The following FGF13 variants were observed in gnomAD, a reference collection of about 807,000 sequenced individuals.
The protein encoded by FGF13 is fibroblast growth factor homologous factor 2.
Under a neutral mutation model 19.5 loss-of-function variants are expected in FGF13, and 2 were observed. The ratio of observed to expected loss-of-function variants is 0.10; its 90% CI spans 0.04 to 0.32. FGF13 has a LOEUF of 0.32. Among genes scored for constraint, FGF13 ranks in the 10% least tolerant of loss-of-function variants. The probability of loss-of-function intolerance (pLI) is 1.00; values close to 1 mark genes in which losing one functional copy is unlikely to be tolerated. For missense variants in FGF13, 113 were observed against 192.7 expected (o/e 0.59, Z 2.45); for synonymous variants, 72 against 76.9 (o/e 0.94, Z 0.33).
chrX:138,704,155 T>C (rs764268277), intron 2 of FGF13, among the ~76,000 whole-genome samples: 4 of 112,092 alleles, frequency 3.6e-5, no homozygotes, highest in Non-Finnish European at 7.5e-5. Context: ...TTATTATTAT[T>C]ATTTTAGCAA....
At chrX:138,962,788 T>C (rs1021614802) in intron 1 of FGF13, among the ~76,000 whole-genome samples, 2 of 111,300 alleles carry the variant, frequency 1.8e-5, no homozygotes, top group Non-Finnish European at 3.8e-5. Context: ...TAGGTGGGAA[T>C]TGAACAATGA....
At chrX:139,199,621 C>A (rs1296696228) in intron 1 of FGF13, among the ~76,000 whole-genome samples, 1 of 111,408 alleles carries the variant, frequency 9.0e-6, no homozygotes, top group Non-Finnish European at 1.9e-5. Context: ...ATTCTCTCCC[C>A]AGTCCTGACC....
chrX:138,839,167 C>T (rs915588364), intron 3 of FGF13, among the ~76,000 whole-genome samples: 1 of 110,852 alleles, frequency 9.0e-6, no homozygotes, highest in Non-Finnish European at 1.9e-5. Context: ...TATCTTTCAT[C>T]CCTCCACACT....
intron 1 of FGF13, among the ~76,000 whole-genome samples, chrX:139,042,506 C>T (rs1258097440): frequency 9.0e-6 from 1 of 111,678 alleles, no homozygotes; most frequent in Non-Finnish European, 1.9e-5. Flanking sequence ...AGTTGTAAAT[C>T]GAAACTGACA....
In FGF13 at chrX:138,809,337, A is replaced by G. The variant is rs778015354; in HGVS notation, c.217+48175T>C. On this transcript the variant is annotated intron_variant, in intron 3 of 6. Coordinates refer to the FGF13 transcript ENST00000436198. ...ATCCATCACATAAACAGAACCAAAG[A>G]CAAAAACCACATGATTATCTCAATA... 1.8e-3 allele frequency among the ~76,000 whole-genome samples: 206 copies of G among 112,261 alleles called. 2 individuals are homozygous for G. The highest frequency in any genetic ancestry group is 6.6e-3 in the African/African-American group (204 of 30,949).
At chrX:139,101,426 C>T (rs753469731) in intron 1 of FGF13, among the ~76,000 whole-genome samples, 81 of 112,553 alleles carry the variant, frequency 7.2e-4, no homozygotes, top group Admixed American at 6.0e-3. Context: ...TTTTTAAACA[C>T]ATTTTGTTGT....
At chrX:139,057,655 T>C (rs773077830) in intron 1 of FGF13, among the ~76,000 whole-genome samples, 94 of 112,089 alleles carry the variant, frequency 8.4e-4, no homozygotes, top group Non-Finnish European at 1.2e-3. Context: ...AACTGATGAA[T>C]GGGTACAAAT....
upstream of FGF13, chrX:139,203,920 T>C: frequency 1.7e-6 from 1 of 584,631 alleles, no homozygotes. Context: ...CTGCCCCCCC[T>C]TTTCTCCCGG....
At chrX:139,130,474 A>G in intron 1 of FGF13, among the ~76,000 whole-genome samples, 1 of 112,103 alleles carries the variant, frequency 8.9e-6, no homozygotes, top group East Asian at 2.8e-4. Flanking sequence ...ATTACATGAC[A>G]TTGCTGAGCT....
chrX:138,683,919 T>A (rs974316984), intron 3 of FGF13, among the ~76,000 whole-genome samples: 2 of 111,158 alleles, frequency 1.8e-5, no homozygotes, highest in South Asian at 3.8e-4. Flanking sequence ...AACCAAATAA[T>A]GAAAGGCAGA....
intron 1 of FGF13, among the ~76,000 whole-genome samples, chrX:139,201,199 G>A (rs2084412307): frequency 8.9e-6 from 1 of 111,767 alleles, no homozygotes; most frequent in Admixed American, 9.5e-5. Context: ...GTCCATCACT[G>A]GTCTTAACCT....
intron 1 of FGF13, among the ~76,000 whole-genome samples, chrX:139,086,511 A>G (rs1285657557): frequency 1.8e-5 from 2 of 111,749 alleles, no homozygotes; most frequent in Non-Finnish European, 3.8e-5. Context: ...AACAGTTAAC[A>G]CTATTTTATT....
rs142283971 is a variant in FGF13, at chrX:138,752,690, C to T, written c.218-43762G>A. Among the ~76,000 whole-genome samples the T allele has an allele frequency of 6.1e-3, 678 of 112,011 alleles. 9 individuals are homozygous for T. Among genetic ancestry groups the T allele is most frequent in the African/African-American group, 0.021 (652 of 30,812 alleles). ...TACCCCTGACCTCCTGGAGTTCACA[C>T]ATTCAGACATAGGACTGTCTGTCCT... On this transcript the variant is annotated intron_variant, in intron 3 of 6. Coordinates refer to the FGF13 transcript ENST00000436198.
chrX:139,149,180 C>T (rs1435826091), intron 1 of FGF13, among the ~76,000 whole-genome samples: 1 of 111,652 alleles, frequency 9.0e-6, no homozygotes, highest in Non-Finnish European at 1.9e-5. Flanking sequence ...CTTTACTCTC[C>T]CTTTATTCTT....
At chrX:138,655,959 C>A (rs1366784954) in intron 3 of FGF13, among the ~76,000 whole-genome samples, 2 of 111,650 alleles carry the variant, frequency 1.8e-5, no homozygotes, top group African/African-American at 6.5e-5. Flanking sequence ...TTCATTCATT[C>A]ATTAATTCAA....
intron 3 of FGF13, among the ~76,000 whole-genome samples, chrX:138,670,577 C>T (rs1343605166): frequency 9.0e-6 from 1 of 111,588 alleles, no homozygotes; most frequent in Non-Finnish European, 1.9e-5. Context: ...AGTTACAGAA[C>T]AGGTCATATA....
chrX:138,825,227 A>T (rs1408033824), intron 3 of FGF13, among the ~76,000 whole-genome samples: 4 of 111,685 alleles, frequency 3.6e-5, no homozygotes, highest in Non-Finnish European at 7.5e-5. Flanking sequence ...GAGTCAGACA[A>T]ATCTGGGTTC....
intron 3 of FGF13, among the ~76,000 whole-genome samples, chrX:138,664,331 G>C (rs1044379290): frequency 1.8e-5 from 2 of 111,709 alleles, no homozygotes; most frequent in African/African-American, 6.5e-5. Context: ...TTTTGTTTTG[G>C]CTAGGGCCCT....
In FGF13 at chrX:138,710,952, C is replaced by G; in HGVS notation, c.52G>C (p.Glu18Gln). ...TTGCAGGCGTTGGATTTCTCGCGCT[C>G]GCGGGCTTGCCTCTTCTGACGGATG... is the stretch of plus-strand genomic sequence containing the variant. ...SLIRQKRQAR[E>Q]REKSNACKCV... The change falls in exon 1 of 5, where the codon GAG becomes CAG. Residue 18 changes from glutamate to glutamine, a missense_variant. Glu to Gln is a conservative substitution (Grantham distance 29, BLOSUM62 2). Coordinates refer to ENST00000315930, the MANE Select transcript of FGF13 (RefSeq NM_004114.5). The G allele has an allele frequency of 8.3e-7, 1 of 1,211,822 alleles. No individual in the cohort carries two copies. The highest frequency in any genetic ancestry group is 1.1e-6 in the Non-Finnish European group (1 of 895,617).
Sources: allele counts gnomAD v4.1 joint callset (sites outside exome capture counted in the v4.1 genomes callset), GRCh38; gene constraint gnomAD v4.1.1; transcripts MANE v1.5; gene names NCBI Gene and HGNC (gene_info 2026-07-23, HGNC 2026-07-21).